Variants in BTN1A1 observed in about 807,000 individuals in gnomAD.
BTN1A1 encodes the protein butyrophilin subfamily 1 member A1.
A neutral mutation model predicts 33.1 loss-of-function variants in BTN1A1; 26 were observed. The observed-to-expected ratio is 0.79, with a 90% confidence interval of 0.58 to 1.09. The LOEUF is 1.09. Ranked by LOEUF, BTN1A1 falls within the 50% of genes least tolerant of loss-of-function variation. The pLI is 0.00. For synonymous variants in BTN1A1, 235 were observed against 256.2 expected (o/e 0.92, Z 0.79); for missense variants, 558 against 655.7 (o/e 0.85, Z 1.63).
chr6:26,502,051 T>C, intron 3 of BTN1A1, 114 bp downstream of exon 3: 2 of 1,364,116 alleles, frequency 1.5e-6, no homozygotes, highest in Non-Finnish European at 1.9e-6. Flanking sequence ...TTTAGGTTGA[T>C]GTCGCCGGGG....
chr6:26,501,870 G>C lies in BTN1A1; in HGVS notation c.360G>C (p.Gly120=). Residue 120 remains glycine, a synonymous_variant, in exon 3 of 8, where the codon GGG becomes GGC. Transcript: ENST00000684113. This position sits in a 1 kb window ranked among gnomAD's most constrained non-coding sequence, Gnocchi z 5.2. ...RIRGVRVSDD[G]EYTCFFREDG... ...GTGGCGTCAGAGTCTCTGACGACGGGGAGTACACGTGCTTTTTCAGGGAGG... is the reference window on the plus strand; with the variant it reads ...GTGGCGTCAGAGTCTCTGACGACGGCGAGTACACGTGCTTTTTCAGGGAGG... 3 of 1,607,906 alleles carry C rather than the reference G, an allele frequency of 1.9e-6. No individual in the cohort carries two copies. The highest frequency in any genetic ancestry group is 2.6e-6 in the Non-Finnish European group (3 of 1,175,566).
At position 26,508,752 on chromosome 6, in the gene BTN1A1, A is replaced by T. The variant is rs143821520; in HGVS notation, c.1159A>T (p.Met387Leu). The change falls in exon 8 of 8, where the codon ATG (methionine) becomes TTG (leucine). Residue 387 changes from methionine (M) to leucine (L), a missense_variant. By Grantham distance (15) the Met-to-Leu change is conservative. Coordinates refer to ENST00000684113, the MANE Select transcript of BTN1A1 (RefSeq NM_001732.3). ...TGTGATGAAGAAAGGATTTGACCCC[A>T]TGACTCCTGAGAATGGGTTCTGGGC... The part of the protein sequence containing the change: ...ENVMKKGFDP[M>L]TPENGFWAVE... 2 of 1,614,052 alleles carry T rather than the reference A, an allele frequency of 1.2e-6. No individual in the cohort carries two copies. The highest frequency in any genetic ancestry group is 2.2e-5 in the South Asian group (2 of 91,074).
chr6:26,510,177 C>G lies in BTN1A1; in HGVS notation c.*1003C>G, dbSNP rs1161521538. The stretch of plus-strand genomic sequence containing the variant: ...CCGTTTCCACACTGTGCACCTTTCA[C>G]TTTCCCTACCCAGCTTTCCTACATG... On this transcript the variant is annotated 3_prime_UTR_variant, in exon 8 of 8. Transcript: ENST00000684113. The G allele has an allele frequency of 6.5e-6, 1 of 152,954 alleles. No individual in the cohort carries two copies. The highest frequency in any genetic ancestry group is 2.1e-4 in the South Asian group (1 of 4,828). The allele number at this position is 152,954 out of a possible 1,614,324, so 9.5% of individuals were successfully genotyped here. A position where few individuals can be genotyped will look rare whatever the true frequency, so the allele number is the denominator to read the frequency against.
Position 26,508,982 on chromosome 6 carries a change from G to A in BTN1A1, c.1389G>A (p.Trp463Ter). The A allele has an allele frequency of 6.2e-7, 1 of 1,614,168 alleles. No individual in the cohort carries two copies. The highest frequency in any genetic ancestry group is 8.5e-7 in the Non-Finnish European group (1 of 1,180,032). ...SGPLRPFFCL[W>*]SSGKKPLTIC... ...CCCTCCGGCCCTTCTTTTGCCTATG[G>A]TCTAGCGGTAAAAAGCCCCTGACCA... Residue 463 changes from tryptophan (W) to a stop codon, truncating the protein, a stop_gained, in exon 8 of 8, where the codon TGG becomes TGA. Transcript: ENST00000684113. LOFTEE classifies it low-confidence loss of function (END_TRUNC).
Position 26,505,069 on chromosome 6 carries a change from C to T in BTN1A1, c.572C>T (p.Ser191Phe), listed in dbSNP as rs149813891. Residue 191 changes from serine (S) to phenylalanine (F), a missense_variant, in exon 4 of 8, where the codon TCC (serine) becomes TTC (phenylalanine). By Grantham distance (155) the Ser-to-Phe change is radical. Transcript: ENST00000684113. ...GAGAAGTTTCCATCTACATCAGAGT[C>T]CAGGAATCCTGATGAAGAAGGTTTG... The part of the protein sequence containing the change: ...KGEKFPSTSE[S>F]RNPDEEGLFT... 75 of 1,614,172 alleles carry T rather than the reference C, an allele frequency of 4.6e-5. No individual in the cohort carries two copies. The African/African-American group carries it at 8.9e-4, about 19-fold the overall frequency.
intron 3 of BTN1A1, among the ~76,000 whole-genome samples, chr6:26,504,216 A>G (rs556368649): frequency 2.8e-4 from 42 of 152,284 alleles, no homozygotes; most frequent in African/African-American, 3.4e-4. Flanking sequence ...AGAATCGCCA[A>G]TCCTCTCCTC....
Position 26,509,254 on chromosome 6 carries a change from AC to A in BTN1A1, c.*83del. 2 of 1,311,002 alleles carry A rather than the reference AC, an allele frequency of 1.5e-6. No individual in the cohort carries two copies. The highest frequency in any genetic ancestry group is 2.1e-6 in the Non-Finnish European group (2 of 950,806). 81.2% of individuals were successfully genotyped at this position (1,311,002 alleles called of 1,614,324 possible). A position where few individuals can be genotyped will look rare whatever the true frequency, so the allele number is the denominator to read the frequency against. Reference sequence around the variant, plus strand: ...TTCTGAGGCTTCACCTGCTAGCTTTACCCAGTCTGTTTCTTCCTGTTGGGTG... The same window carrying A: ...TTCTGAGGCTTCACCTGCTAGCTTTACCAGTCTGTTTCTTCCTGTTGGGTG... On this transcript the variant is annotated 3_prime_UTR_variant, in exon 8 of 8. Coordinates refer to ENST00000684113, the MANE Select transcript of BTN1A1 (RefSeq NM_001732.3).
chr6:26,501,660 TCGCCTGTCTC>T lies in BTN1A1; in HGVS notation c.153_162del (p.Leu52ThrfsTer55). 1.9e-6 allele frequency: 3 copies of T among 1,613,994 alleles called. No individual in the cohort carries two copies. The highest frequency in any genetic ancestry group is 2.5e-6 in the Non-Finnish European group (3 of 1,179,984). ...TGGGTGAGGACGCCGAGCTGCCCTG[TCGCCTGTCTC>T]CGAACGCGAGCGCCGAGCACTTGGA... On this transcript the variant is annotated frameshift_variant, in exon 3 of 8. Transcript: ENST00000684113. LOFTEE classifies it high-confidence loss of function. The surrounding 1 kb of genome is among the most constrained non-coding windows in gnomAD (Gnocchi z 5.2).
Position 26,508,497 on chromosome 6 carries a change from C to G in BTN1A1, c.908-4C>G. On this transcript the variant is annotated splice_polypyrimidine_tract_variant and splice_region_variant and intron_variant, in intron 7 of 7. Coordinates refer to ENST00000684113, the MANE Select transcript of BTN1A1 (RefSeq NM_001732.3). ...TGTCAGACCTGCTGTTTCTTTCTCT[C>G]CAGTTGATGTGACTCTGGACCCAGA... 6.2e-7 allele frequency: 1 copy of G among 1,607,804 alleles called. No homozygotes were observed. Among genetic ancestry groups the G allele is most frequent in the South Asian group, 1.1e-5 (1 of 90,166 alleles).
At position 26,501,090 on chromosome 6, in the gene BTN1A1, C is replaced by T. The variant is rs1233612201; in HGVS notation, c.-57-140C>T. 2 of 606,044 alleles carry T rather than the reference C, an allele frequency of 3.3e-6. No individual in the cohort carries two copies. Among genetic ancestry groups the T allele is most frequent in the African/African-American group, 3.7e-5 (2 of 53,876 alleles). The allele number at this position is 606,044 out of a possible 1,614,324, so 37.5% of individuals were successfully genotyped here. A position where few individuals can be genotyped will look rare whatever the true frequency, so the allele number is the denominator to read the frequency against. On this transcript the variant is annotated intron_variant, in intron 1 of 7. Transcript: ENST00000684113. The surrounding 1 kb of genome is among the most constrained non-coding windows in gnomAD (Gnocchi z 5.2). ...ATAACCACAGTGTAAACTAAAAATC[C>T]ATACTGGGGATGGAGGCTGAGAGGA...
intron 5 of BTN1A1, among the ~76,000 whole-genome samples, chr6:26,507,199 C>T (rs1025035291): frequency 1.3e-5 from 2 of 152,004 alleles, no homozygotes; most frequent in African/African-American, 2.4e-5. Flanking sequence ...CTAGCCTGAG[C>T]GACAGAATAA....
intron 4 of BTN1A1, among the ~76,000 whole-genome samples, chr6:26,506,111 G>A (rs1387525436): frequency 2.9e-5 from 4 of 136,826 alleles, no homozygotes; most frequent in Non-Finnish European, 4.7e-5. Flanking sequence ...GTGACAGAGC[G>A]AGACTGCATC....
At chr6:26,502,500 G>A (rs1763814452) in intron 3 of BTN1A1, among the ~76,000 whole-genome samples, 1 of 152,042 alleles carries the variant, frequency 6.6e-6, no homozygotes, top group South Asian at 2.1e-4. Context: ...GTGAGAAAGG[G>A]TTTTGAGTTG....
In BTN1A1 at chr6:26,509,381, G is replaced by A. The variant is rs1763915249; in HGVS notation, c.*207G>A. 2 of 562,782 alleles carry A rather than the reference G, an allele frequency of 3.6e-6. No individual in the cohort carries two copies. The highest frequency in any genetic ancestry group is 6.2e-6 in the Non-Finnish European group (2 of 322,432). The allele number at this position is 562,782 out of a possible 1,614,324, so 34.9% of individuals were successfully genotyped here. ...TGTACCAATATTTGGGGGATGGAGGGGTGACTCAAACTGCTTCTAGTGTTC... is the reference window on the plus strand; with the variant it reads ...TGTACCAATATTTGGGGGATGGAGGAGTGACTCAAACTGCTTCTAGTGTTC... On this transcript the variant is annotated 3_prime_UTR_variant, in exon 8 of 8. Coordinates refer to ENST00000684113, the MANE Select transcript of BTN1A1 (RefSeq NM_001732.3).
chr6:26,507,630 C>T (rs924787515), intron 5 of BTN1A1, among the ~76,000 whole-genome samples: 2 of 151,394 alleles, frequency 1.3e-5, no homozygotes, highest in African/African-American at 4.9e-5. Context: ...GAGGCTGAGG[C>T]GGGAGAATGG....
chr6:26,508,954 G>C lies in BTN1A1; in HGVS notation c.1361G>C (p.Gly454Ala), dbSNP rs1005670957. The change falls in exon 8 of 8, where the codon GGC becomes GCC. Residue 454 changes from glycine to alanine, a missense_variant. Gly to Ala is a moderately conservative substitution (Grantham distance 60). Transcript: ENST00000684113. ...IYTFSNVTFS[G>A]PLRPFFCLWS... ...ACTTTCTCCAATGTCACTTTCTCTG[G>C]CCCCCTCCGGCCCTTCTTTTGCCTA... The C allele has an allele frequency of 6.8e-6, 11 of 1,613,990 alleles. No individual in the cohort carries two copies. Among genetic ancestry groups the C allele is most frequent in the Non-Finnish European group, 8.5e-6 (10 of 1,180,014 alleles).
Position 26,501,311 on chromosome 6 carries a change from C to T in BTN1A1, c.25C>T (p.Leu9Phe), listed in dbSNP as rs774624058. ...GATGGCAGTTTTCCCAAGCTCCGGT[C>T]TCCCCAGATGTCTGCTCACCCTCAT... MAVFPSSG[L>F]PRCLLTLILL... is the part of the protein sequence containing the mutation. The change falls in exon 2 of 8, where the codon CTC becomes TTC. Residue 9 changes from leucine (L) to phenylalanine (F), a missense_variant. Leu to Phe is a conservative substitution (Grantham distance 22). Transcript: ENST00000684113. The surrounding 1 kb of genome is among the most constrained non-coding windows in gnomAD (Gnocchi z 5.2). 2.5e-6 allele frequency: 4 copies of T among 1,614,138 alleles called. No individual in the cohort carries two copies. The highest frequency in any genetic ancestry group is 1.6e-4 in the Middle Eastern group (1 of 6,062).
chr6:26,504,841 C>G, intron 3 of BTN1A1, 84 bp from the exon 4 acceptor site: 2 of 1,394,568 alleles, frequency 1.4e-6, no homozygotes, highest in Non-Finnish European at 2.0e-6. Flanking sequence ...CTGTCTCTCT[C>G]TTTCTCAAAC....
Position 26,501,464 on chromosome 6 carries a change from C to G in BTN1A1, c.79+99C>G. 1 of 1,570,630 alleles carries G rather than the reference C, an allele frequency of 6.4e-7. No homozygotes were observed. Among genetic ancestry groups the G allele is most frequent in the Admixed American group, 1.7e-5 (1 of 58,656 alleles). Reference sequence around the variant, plus strand: ...CTCTCCCTGGAGACCTCCACTGGATCCAGACAAACTCAGCTGTCAAAGGAG... The same window carrying G: ...CTCTCCCTGGAGACCTCCACTGGATGCAGACAAACTCAGCTGTCAAAGGAG... On this transcript the variant is annotated intron_variant, in intron 2 of 7. Coordinates refer to ENST00000684113, the MANE Select transcript of BTN1A1 (RefSeq NM_001732.3). The surrounding 1 kb of genome is among the most constrained non-coding windows in gnomAD (Gnocchi z 5.2).
Sources: gnomAD v4.1 joint callset for allele counts (sites outside exome capture counted in the v4.1 genomes callset) on GRCh38, gnomAD v4.1.1 for gene constraint, Gnocchi (gnomAD v3.1) non-coding constraint, MANE v1.5 for transcripts, NCBI Gene and HGNC (gene_info 2026-07-23, HGNC 2026-07-21) for gene names.